Variants in DCAF8L2 observed in about 807,000 individuals in gnomAD.
DCAF8L2 encodes the protein DDB1 and CUL4 associated factor 8 like 2.
For missense variants in DCAF8L2, 430 were observed against 490.7 expected, an observed-to-expected ratio of 0.88 and a Z score of 1.17; for synonymous variants, 200 against 190.9, an observed-to-expected ratio of 1.05 and a Z score of -0.39.
the DCAF8L2 span, among the ~76,000 whole-genome samples, chrX:27,528,452 A>G: frequency 1.0e-5 from 1 of 96,998 alleles, no homozygotes; most frequent in Non-Finnish European, 2.0e-5. Context: ...ATATATACAT[A>G]TATGTGTGTG....
At position 27,747,032 on chromosome X, in the gene DCAF8L2, T is replaced by C. The variant is rs1922214371; in HGVS notation, c.137T>C (p.Leu46Pro). The C allele has an allele frequency of 6.8e-6, 8 of 1,173,957 alleles. No homozygotes were observed. Among genetic ancestry groups the C allele is most frequent in the African/African-American group, 1.8e-5 (1 of 55,825 alleles). The part of the protein sequence containing the change: ...SSDIDIATSE[L>P]SVTVTGDGSD... ...GACATTGACATAGCGACCTCAGAGC[T>C]GAGTGTGACAGTGACCGGAGATGGC... Residue 46 changes from leucine to proline, a missense_variant, in exon 5 of 5, where the codon CTG becomes CCG. Coordinates refer to ENST00000451261, the MANE Select transcript of DCAF8L2 (RefSeq NM_001353450.2).
At chrX:27,713,089 A>G (rs1931583718) in intron 3 of DCAF8L2, among the ~76,000 whole-genome samples, 1 of 112,034 alleles carries the variant, frequency 8.9e-6, no homozygotes, top group Admixed American at 9.5e-5. Flanking sequence ...GGCAATCACC[A>G]GTGTATAGAA....
intron 1 of DCAF8L2, among the ~76,000 whole-genome samples, chrX:27,630,912 T>A (rs1928260270): frequency 9.0e-6 from 1 of 111,585 alleles, no homozygotes; most frequent in Non-Finnish European, 1.9e-5. Context: ...GTGTCTCTTT[T>A]ATAAGGGCAC....
the DCAF8L2 span, among the ~76,000 whole-genome samples, chrX:27,560,071 T>C: frequency 9.1e-6 from 1 of 109,948 alleles, no homozygotes; most frequent in Non-Finnish European, 1.9e-5. Flanking sequence ...ATCGAGACCA[T>C]CCTGGCTAAC....
At chrX:27,470,220 A>G in the DCAF8L2 span, among the ~76,000 whole-genome samples, 1 of 112,621 alleles carries the variant, frequency 8.9e-6, no homozygotes, top group African/African-American at 3.2e-5. Flanking sequence ...TAAGGGGTTT[A>G]TCAAATACGT....
chrX:27,682,205 TC>T (rs1930353714), intron 3 of DCAF8L2, among the ~76,000 whole-genome samples: 1 of 111,788 alleles, frequency 8.9e-6, no homozygotes, highest in Non-Finnish European at 1.9e-5. Context: ...CATCCAGTGA[TC>T]CTCCTGCCTC....
At chrX:27,583,554 A>C in the DCAF8L2 span, among the ~76,000 whole-genome samples, 1 of 111,150 alleles carries the variant, frequency 9.0e-6, no homozygotes, top group African/African-American at 3.3e-5. Context: ...GGGGTCCCTA[A>C]GCCCCGGGCC....
At chrX:27,596,581 G>A (rs1450959874) in intron 1 of DCAF8L2, among the ~76,000 whole-genome samples, 1 of 111,187 alleles carries the variant, frequency 9.0e-6, no homozygotes, top group East Asian at 2.8e-4. Flanking sequence ...CAATATATTT[G>A]CTATGAAAAA....
intron 4 of DCAF8L2, among the ~76,000 whole-genome samples, chrX:27,720,414 C>T (rs746690598): frequency 1.8e-5 from 2 of 110,721 alleles, no homozygotes; most frequent in East Asian, 2.8e-4. Flanking sequence ...TCGCCTAGGC[C>T]GGACTGCGGA....
At chrX:27,695,096 C>G (rs1930845536) in intron 3 of DCAF8L2, among the ~76,000 whole-genome samples, 1 of 111,953 alleles carries the variant, frequency 8.9e-6, no homozygotes, top group African/African-American at 3.2e-5. Flanking sequence ...ATCTGGCCCT[C>G]TGTGTGAGCT....
the DCAF8L2 span, among the ~76,000 whole-genome samples, chrX:27,499,390 C>T: frequency 2.7e-5 from 3 of 112,134 alleles, no homozygotes; most frequent in Non-Finnish European, 5.6e-5. Flanking sequence ...GATGACTACT[C>T]AGGTCTTTTG....
At chrX:27,742,578 A>G (rs1280625162) in intron 4 of DCAF8L2, among the ~76,000 whole-genome samples, 1 of 108,402 alleles carries the variant, frequency 9.2e-6, no homozygotes, top group African/African-American at 3.4e-5. Context: ...CAAAAACAAA[A>G]ACAAAAACAA....
At chrX:27,665,196 A>G (rs1399071324) in intron 2 of DCAF8L2, among the ~76,000 whole-genome samples, 1 of 110,685 alleles carries the variant, frequency 9.0e-6, no homozygotes, top group Non-Finnish European at 1.9e-5. Flanking sequence ...TTCATAAGTC[A>G]TGGGAGGATT....
At chrX:27,628,767 C>T (rs1928160802) in intron 1 of DCAF8L2, among the ~76,000 whole-genome samples, 1 of 110,712 alleles carries the variant, frequency 9.0e-6, no homozygotes, top group African/African-American at 3.3e-5. Context: ...CCACGCCCGG[C>T]TAATTTTTTG....
At position 27,665,309 on chromosome X, in the gene DCAF8L2, G is replaced by A. The variant is rs189250098; in HGVS notation, c.-219-12527G>A. On this transcript the variant is annotated intron_variant, in intron 2 of 4. Coordinates refer to ENST00000451261, the MANE Select transcript of DCAF8L2 (RefSeq NM_001353450.2). ...TTCATTGGAGGAAGTCACTACAGAT[G>A]TGGTGAAAATAGAAAGAACAAGAAT... is the stretch of plus-strand genomic sequence containing the variant. Among the ~76,000 whole-genome samples, 536 of 111,642 alleles carry A rather than the reference G, an allele frequency of 4.8e-3. 2 individuals carry two copies. Among genetic ancestry groups the A allele is most frequent in the Non-Finnish European group, 7.5e-3 (400 of 53,148 alleles).
the DCAF8L2 span, among the ~76,000 whole-genome samples, chrX:27,544,200 C>G: frequency 9.0e-6 from 1 of 111,541 alleles, no homozygotes; most frequent in African/African-American, 3.3e-5. Flanking sequence ...TTTCTATAAC[C>G]TCTTTTGCCA....
the DCAF8L2 span, among the ~76,000 whole-genome samples, chrX:27,573,254 T>TCTCTCTCACACACACA: frequency 1.0e-5 from 1 of 99,710 alleles, no homozygotes; most frequent in African/African-American, 3.8e-5. Context: ...TCTCTCTCTC[T>TCTCTCTCACACACACA]CACACACACA....
At chrX:27,590,967 A>T (rs1014271146) in intron 1 of DCAF8L2, among the ~76,000 whole-genome samples, 2 of 80,114 alleles carry the variant, frequency 2.5e-5, no homozygotes, top group Non-Finnish European at 4.9e-5. Context: ...ATTTATGTTA[A>T]ATGTTTATAA....
At chrX:27,483,138 A>G in the DCAF8L2 span, among the ~76,000 whole-genome samples, 1 of 111,534 alleles carries the variant, frequency 9.0e-6, no homozygotes, top group Admixed American at 9.6e-5. Flanking sequence ...ACACTTTAAC[A>G]TATCAAATTT....
Sources: allele counts gnomAD v4.1 joint callset (sites outside exome capture counted in the v4.1 genomes callset), GRCh38; gene constraint gnomAD v4.1.1; transcripts MANE v1.5; gene names NCBI Gene and HGNC (gene_info 2026-07-23, HGNC 2026-07-21).